RSRC1: variants seen among roughly 807,000 people sequenced by gnomAD.
The protein encoded by RSRC1 is arginine and serine rich coiled-coil 1, also known as serine/Arginine-related protein 53.
Under a neutral mutation model 49.1 loss-of-function variants are expected in RSRC1, and 39 were observed. The ratio of observed to expected loss-of-function variants is 0.79; its 90% CI spans 0.61 to 1.04. The LOEUF is 1.04. RSRC1 is among the 50% of genes least tolerant of loss of function. RSRC1 has a pLI of 0.00. For missense variants in RSRC1, 388 were observed against 402.4 expected (o/e 0.96, Z 0.31); for synonymous variants, 143 against 130.8 (o/e 1.09, Z -0.63).
chr3:158,366,894 A>G (rs1407214155), intron 6 of RSRC1, among the ~76,000 whole-genome samples: 1 of 151,982 alleles, frequency 6.6e-6, no homozygotes, highest in East Asian at 1.9e-4. Flanking sequence ...TAGGTATTTT[A>G]TTCTCTTTGT....
intron 7 of RSRC1, chr3:158,496,771 C>T: frequency 3.6e-6 from 1 of 277,396 alleles, no homozygotes; most frequent in Non-Finnish European, 7.6e-6. Flanking sequence ...CCAAATCTAC[C>T]TAAGTAAGGT....
At chr3:158,199,953 A>T (rs1720934596) in intron 3 of RSRC1, among the ~76,000 whole-genome samples, 1 of 149,260 alleles carries the variant, frequency 6.7e-6, no homozygotes, top group East Asian at 2.0e-4. Context: ...TGACACTCTT[A>T]GTTTCTGAAG....
chr3:158,515,244 TC>T (rs372322133), intron 7 of RSRC1, among the ~76,000 whole-genome samples: 27 of 152,232 alleles, frequency 1.8e-4, no homozygotes, highest in African/African-American at 5.8e-4. Flanking sequence ...TATTGGTTGT[TC>T]CTTTCCATGT....
At chr3:158,410,917 A>G (rs1054960216) in intron 6 of RSRC1, among the ~76,000 whole-genome samples, 1 of 152,094 alleles carries the variant, frequency 6.6e-6, no homozygotes, top group African/African-American at 2.4e-5. Flanking sequence ...AGAAGCCCCC[A>G]TCTTCTGATA....
At chr3:158,389,274 T>C (rs1733144520) in intron 6 of RSRC1, among the ~76,000 whole-genome samples, 1 of 152,224 alleles carries the variant, frequency 6.6e-6, no homozygotes, top group South Asian at 2.1e-4. Flanking sequence ...CAGGTGAATA[T>C]TAGAGTAAAA....
chr3:158,454,574 C>T (rs913196734), intron 6 of RSRC1, among the ~76,000 whole-genome samples: 3 of 152,144 alleles, frequency 2.0e-5, no homozygotes, highest in South Asian at 2.1e-4. Context: ...AATTTAGTTA[C>T]CAAGATGCAA....
chr3:158,516,408 C>T (rs1485415192), intron 7 of RSRC1, among the ~76,000 whole-genome samples: 18 of 150,972 alleles, frequency 1.2e-4, no homozygotes, highest in East Asian at 3.9e-4. Flanking sequence ...TTAGGCTGCT[C>T]GGGGGTCAGG....
intron 9 of RSRC1, chr3:158,543,715 G>A (rs1210488976): frequency 7.4e-6 from 3 of 407,704 alleles, no homozygotes; most frequent in Non-Finnish European, 8.6e-6. Flanking sequence ...TCTGTCTATG[G>A]TTAAGAAAAA....
At chr3:158,458,346 G>A (rs114990361) in intron 6 of RSRC1, among the ~76,000 whole-genome samples, 1 of 151,990 alleles carries the variant, frequency 6.6e-6, no homozygotes, top group Non-Finnish European at 1.5e-5. Flanking sequence ...TGTGTTATAG[G>A]TTGTTACAAA....
At chr3:158,286,313 A>G (rs1162855105) in intron 4 of RSRC1, among the ~76,000 whole-genome samples, 1 of 152,242 alleles carries the variant, frequency 6.6e-6, no homozygotes, top group Non-Finnish European at 1.5e-5. Flanking sequence ...GCTGAGCGGT[A>G]TAGTGTGATC....
Position 158,354,885 on chromosome 3 carries a change from T to C in RSRC1, c.560T>C (p.Leu187Pro). The change falls in exon 6 of 10, where the codon CTA becomes CCA. Residue 187 changes from leucine to proline, a missense_variant. Physicochemically the swap from Leu to Pro is moderately conservative, Grantham distance 98. Coordinates refer to ENST00000611884, the MANE Select transcript of RSRC1 (RefSeq NM_001271838.2). ...LPPAEQAKAR[L>P]QLVLEAAAKA... is the part of the protein sequence containing the mutation. Reference sequence around the variant, plus strand: ...CCAGCTGAACAGGCCAAAGCCAGACTACAGCTGGTTCTTGAAGCTGCTGGT... The same window carrying C: ...CCAGCTGAACAGGCCAAAGCCAGACCACAGCTGGTTCTTGAAGCTGCTGGT... The C allele has an allele frequency of 1.9e-6, 3 of 1,545,738 alleles. No individual in the cohort carries two copies. Among genetic ancestry groups the C allele is most frequent in the Non-Finnish European group, 2.6e-6 (3 of 1,150,300 alleles).
intron 3 of RSRC1, among the ~76,000 whole-genome samples, chr3:158,197,174 T>C: frequency 6.6e-6 from 1 of 152,162 alleles, no homozygotes; most frequent in African/African-American, 2.4e-5. Flanking sequence ...TGCCTCAATT[T>C]CAGAGCCTGT....
intron 7 of RSRC1, among the ~76,000 whole-genome samples, chr3:158,521,122 G>A (rs996064734): frequency 6.6e-6 from 1 of 152,108 alleles, no homozygotes; most frequent in Admixed American, 6.6e-5. Context: ...CATATTTTTA[G>A]AAGACTAGTC....
At chr3:158,161,295 C>T (rs1055235505) in intron 3 of RSRC1, among the ~76,000 whole-genome samples, 1 of 152,124 alleles carries the variant, frequency 6.6e-6, no homozygotes, top group Non-Finnish European at 1.5e-5. Context: ...TCTCTTTCAT[C>T]CTCCTTGGAT....
At chr3:158,438,198 G>T (rs1000589024) in intron 6 of RSRC1, among the ~76,000 whole-genome samples, 3 of 152,150 alleles carry the variant, frequency 2.0e-5, no homozygotes, top group African/African-American at 4.8e-5. Flanking sequence ...AATATTTCAT[G>T]CTCATGGATA....
rs561108281 is a variant in RSRC1 at position 158,229,522 on chromosome 3, TTG to T, written c.494+26291_494+26292del. Reference sequence around the variant, plus strand: ...AGAGTAACCTTTCCTTGCCTTTTAATTGTGTGTGTGTGTGTTTTTTGTTTTTT... The same window carrying T: ...AGAGTAACCTTTCCTTGCCTTTTAATTGTGTGTGTGTGTTTTTTGTTTTTT... On this transcript the variant is annotated intron_variant, in intron 4 of 9. Transcript: ENST00000611884. Among the ~76,000 whole-genome samples the T allele has an allele frequency of 1.5e-4, 22 of 150,398 alleles. 1 individual carries two copies. Among genetic ancestry groups the T allele is most frequent in the South Asian group, 4.2e-4 (2 of 4,784 alleles).
intron 5 of RSRC1, among the ~76,000 whole-genome samples, chr3:158,308,143 T>G (rs779147036): frequency 6.6e-6 from 1 of 152,032 alleles, no homozygotes; most frequent in Non-Finnish European, 1.5e-5. Flanking sequence ...ATTACCTAAA[T>G]GATCAGATGC....
intron 3 of RSRC1, among the ~76,000 whole-genome samples, chr3:158,166,902 A>G (rs1057375902): frequency 2.0e-5 from 3 of 152,210 alleles, no homozygotes; most frequent in African/African-American, 7.2e-5. Flanking sequence ...TACAATAAGT[A>G]CCCGAACTTC....
chr3:158,399,068 C>T (rs992679958), intron 6 of RSRC1, among the ~76,000 whole-genome samples: 1 of 138,110 alleles, frequency 7.2e-6, no homozygotes, highest in Non-Finnish European at 1.5e-5. Context: ...TTTCTAAAAT[C>T]TTTACATGGA....
Sources: gnomAD v4.1 joint callset for allele counts (sites outside exome capture counted in the v4.1 genomes callset) on GRCh38, gnomAD v4.1.1 for gene constraint, MANE v1.5 for transcripts, NCBI Gene and HGNC (gene_info 2026-07-23, HGNC 2026-07-21) for gene names.